The following FAM120C variants were observed in gnomAD, a reference collection of about 807,000 sequenced individuals.
FAM120C encodes the protein constitutive coactivator of PPAR-gamma-like protein 2.
A neutral mutation model predicts 71.2 loss-of-function variants in FAM120C; 14 were observed. The ratio of observed to expected loss-of-function variants is 0.20; its 90% CI spans 0.13 to 0.31. The LOEUF is 0.31. FAM120C is among the 10% of genes least tolerant of loss of function. The probability of loss-of-function intolerance (pLI) is 1.00; values close to 1 mark genes in which losing one functional copy is unlikely to be tolerated. For synonymous variants in FAM120C, 354 were observed against 353.2 expected (o/e 1.00, Z -0.03); for missense variants, 500 against 879.0 (o/e 0.57, Z 5.45).
chrX:54,180,408 T>C (rs1557137209), intron 1 of FAM120C, among the ~76,000 whole-genome samples: 1 of 112,350 alleles, frequency 8.9e-6, no homozygotes, highest in East Asian at 2.8e-4. Flanking sequence ...CCACAGTATC[T>C]GCAATTTATT....
At chrX:54,159,166 C>T (rs1203269780) in intron 2 of FAM120C, among the ~76,000 whole-genome samples, 1 of 111,753 alleles carries the variant, frequency 8.9e-6, no homozygotes, top group Non-Finnish European at 1.9e-5. Flanking sequence ...TAACCTGTAG[C>T]AACCCACAAA....
rs1194545325 is a variant in FAM120C at position 54,076,827 on chromosome X, C to T, written c.3036+3405G>A. 1.4e-4 allele frequency among the ~76,000 whole-genome samples: 16 copies of T among 112,138 alleles called. 2 individuals are homozygous for T. The Admixed American group carries it at 1.5e-3, about 11-fold the overall frequency. On this transcript the variant is annotated intron_variant, in intron 15 of 15. Coordinates refer to ENST00000375180, the MANE Select transcript of FAM120C (RefSeq NM_017848.6). Reference sequence around the variant, plus strand: ...CTCACTAAGCCTGGGCACAGTGGCTCATCCCTGTAATCCCAGCACTTTGGG... The same window carrying T: ...CTCACTAAGCCTGGGCACAGTGGCTTATCCCTGTAATCCCAGCACTTTGGG...
rs60166177 is a variant in FAM120C at position 54,068,789 on chromosome X, C to CAGAACAGAATAGAAT, written c.*4243_*4244insATTCTATTCTGTTCT. 1,230 of 103,174 alleles carry CAGAACAGAATAGAAT rather than the reference C, an allele frequency of 0.012. 32 individuals are homozygous for CAGAACAGAATAGAAT. Among genetic ancestry groups the CAGAACAGAATAGAAT allele is most frequent in the African/African-American group, 0.045 (1,119 of 25,097 alleles). The allele number at this position is 103,174 out of a possible 1,213,427, so 8.5% of individuals were successfully genotyped here. A position where few individuals can be genotyped will look rare whatever the true frequency, so the allele number is the denominator to read the frequency against. On this transcript the variant is annotated 3_prime_UTR_variant, in exon 16 of 16. Coordinates refer to ENST00000375180, the MANE Select transcript of FAM120C (RefSeq NM_017848.6). ...AAAAACAGAATAGAACAGAATAGAA[C>CAGAACAGAATAGAAT]AGAATAGAATAGAATAGAATAGAAT... is the stretch of plus-strand genomic sequence containing the variant.
chrX:54,177,834 T>A (rs1476762416), intron 1 of FAM120C, among the ~76,000 whole-genome samples: 1 of 110,521 alleles, frequency 9.0e-6, no homozygotes, highest in Admixed American at 9.6e-5. Context: ...AGAAGAGGAA[T>A]AAGGAAAAGA....
At chrX:54,114,583 C>T (rs1340378618) in intron 10 of FAM120C, among the ~76,000 whole-genome samples, 1 of 109,877 alleles carries the variant, frequency 9.1e-6, no homozygotes, top group Admixed American at 9.8e-5. Flanking sequence ...GGACCACAGG[C>T]GTGCACCACC....
intron 10 of FAM120C, among the ~76,000 whole-genome samples, chrX:54,115,586 CT>C (rs1179525280): frequency 9.0e-6 from 1 of 111,725 alleles, no homozygotes; most frequent in East Asian, 2.8e-4. Context: ...AATTCTACTT[CT>C]CAGTATATGC....
intron 4 of FAM120C, 27 bp from the exon 5 acceptor site, chrX:54,136,617 G>A (rs782346327): frequency 9.7e-7 from 1 of 1,029,764 alleles, no homozygotes; most frequent in Non-Finnish European, 1.3e-6. Context: ...CAGATTTTCA[G>A]AAGAAAAAAC....
rs143519078 is a variant in FAM120C, at chrX:54,162,002, C to A, written c.700-2386G>T. On this transcript the variant is annotated intron_variant, in intron 1 of 15. Transcript: ENST00000375180. ...AGTTTCCAGTAGGTTCTCATGCACA[C>A]CTCCAATTAAGAATCACTGAACTAA... Among the ~76,000 whole-genome samples the A allele has an allele frequency of 7.4e-3, 834 of 112,292 alleles. 4 individuals are homozygous for A. Among genetic ancestry groups the A allele is most frequent in the Middle Eastern group, 0.014 (3 of 218 alleles).
At chrX:54,095,250 C>A (rs1268615933) in intron 10 of FAM120C, among the ~76,000 whole-genome samples, 2 of 110,942 alleles carry the variant, frequency 1.8e-5, no homozygotes, top group African/African-American at 6.5e-5. Flanking sequence ...ATACGAAAAT[C>A]TGCTCCTATC....
intron 15 of FAM120C, among the ~76,000 whole-genome samples, chrX:54,078,126 G>A (rs2066745623): frequency 9.6e-6 from 1 of 104,200 alleles, no homozygotes; most frequent in African/African-American, 3.5e-5. Context: ...TGTATTTTTA[G>A]TAGAGACGGG....
chrX:54,145,953 C>T (rs1217063207), intron 4 of FAM120C, among the ~76,000 whole-genome samples: 1 of 112,192 alleles, frequency 8.9e-6, no homozygotes, highest in Non-Finnish European at 1.9e-5. Flanking sequence ...GTGGCACATA[C>T]ACACCATGGA....
intron 1 of FAM120C, among the ~76,000 whole-genome samples, chrX:54,168,870 T>A (rs2067273387): frequency 1.8e-5 from 2 of 112,185 alleles, no homozygotes; most frequent in African/African-American, 6.5e-5. Flanking sequence ...AGATCATTCA[T>A]CCCCCTCCCT....
chrX:54,116,565 C>T lies in FAM120C; in HGVS notation c.2292G>A (p.Leu764=). The T allele has an allele frequency of 8.3e-7, 1 of 1,211,549 alleles. No individual in the cohort carries two copies. Among genetic ancestry groups the T allele is most frequent in the Non-Finnish European group, 1.1e-6 (1 of 895,370 alleles). ...CTTACCGGAGTACACAACACATGAG[C>T]AGCAGATGGGTGGGGACATTAGCTG... ...LNPANVPTHL[L]LMCCVLRYMV... Residue 764 remains leucine, a synonymous_variant, in exon 10 of 16, where the codon CTG becomes CTA. Transcript: ENST00000375180.
intron 15 of FAM120C, among the ~76,000 whole-genome samples, chrX:54,078,186 G>A (rs910922104): frequency 6.6e-5 from 7 of 106,201 alleles, no homozygotes; most frequent in Non-Finnish European, 1.2e-4. Context: ...CTCGTGATCC[G>A]CCCGCCTCGG....
At chrX:54,139,974 A>C (rs782365399) in intron 4 of FAM120C, among the ~76,000 whole-genome samples, 2 of 111,384 alleles carry the variant, frequency 1.8e-5, no homozygotes, top group Admixed American at 1.9e-4. Flanking sequence ...TTTTCCAAAA[A>C]GCTGAATTTC....
chrX:54,083,204 A>T (rs1343777373), intron 13 of FAM120C, among the ~76,000 whole-genome samples: 1 of 110,848 alleles, frequency 9.0e-6, no homozygotes, highest in East Asian at 2.8e-4. Flanking sequence ...TTTAGCACAA[A>T]AATAAGCCTT....
intron 1 of FAM120C, among the ~76,000 whole-genome samples, chrX:54,170,845 G>A (rs1187125114): frequency 1.8e-5 from 2 of 112,168 alleles, no homozygotes; most frequent in African/African-American, 6.5e-5. Context: ...TTTGAGACAA[G>A]TAGATACCAG....
chrX:54,110,273 C>G (rs1468984536), intron 10 of FAM120C, among the ~76,000 whole-genome samples: 1 of 109,128 alleles, frequency 9.2e-6, no homozygotes, highest in Non-Finnish European at 1.9e-5. Context: ...CAGGCATAAA[C>G]CACCACACCC....
intron 4 of FAM120C, among the ~76,000 whole-genome samples, chrX:54,144,113 G>A (rs782319902): frequency 1.0e-3 from 113 of 111,516 alleles, no homozygotes; most frequent in Non-Finnish European, 1.9e-3. Flanking sequence ...AAACTCAACA[G>A]CCCTTCATGC....
Sources: allele counts gnomAD v4.1 joint callset (sites outside exome capture counted in the v4.1 genomes callset), GRCh38; gene constraint gnomAD v4.1.1; transcripts MANE v1.5; gene names NCBI Gene and HGNC (gene_info 2026-07-23, HGNC 2026-07-21).